Variants in CREBBP observed in about 807,000 individuals in gnomAD.
CREBBP encodes CREB binding lysine acetyltransferase.
CREBBP carries 19 observed loss-of-function variants against 265.0 expected under a neutral mutation model. That is an observed-to-expected ratio of 0.07 (90% CI 0.05 to 0.11). The LOEUF is 0.11. Among genes scored for constraint, CREBBP ranks in the 10% least tolerant of loss-of-function variants. CREBBP has a pLI of 1.00. For synonymous variants in CREBBP, 1,457 were observed against 1,223.7 expected, an observed-to-expected ratio of 1.19 and a Z score of -3.98; for missense variants, 2,525 against 3,219.0, an observed-to-expected ratio of 0.78 and a Z score of 5.22.
intron 10 of CREBBP, 80 bp downstream of exon 10, chr16:3,777,931 G>T (rs1364340452): frequency 6.6e-7 from 1 of 1,509,370 alleles, no homozygotes; most frequent in Non-Finnish European, 9.2e-7. Context: ...CTAATTCTCT[G>T]TTCTTAGAAA....
intron 1 of CREBBP, among the ~76,000 whole-genome samples, chr16:3,864,034 C>G (rs527372574): frequency 6.6e-6 from 1 of 152,196 alleles, no homozygotes; most frequent in South Asian, 2.1e-4. Flanking sequence ...CAGCCAAGAA[C>G]AGTCCTGGAG....
intron 26 of CREBBP, among the ~76,000 whole-genome samples, chr16:3,737,929 A>G (rs1409406832): frequency 6.6e-6 from 1 of 151,538 alleles, no homozygotes; most frequent in East Asian, 1.9e-4. Context: ...CTGGGATTAC[A>G]GGCTCATGCT....
intron 16 of CREBBP, among the ~76,000 whole-genome samples, chr16:3,763,567 G>C (rs1295391631): frequency 6.6e-6 from 1 of 151,972 alleles, no homozygotes; most frequent in Non-Finnish European, 1.5e-5. Flanking sequence ...GGGTTCAAGT[G>C]ATTCTTCTGC....
At chr16:3,781,142 T>C in intron 7 of CREBBP, 62 bp downstream of exon 7, 1 of 1,433,252 alleles carries the variant, frequency 7.0e-7, no homozygotes, top group Non-Finnish European at 9.8e-7. Context: ...AGAATCAGTT[T>C]TGTGTGGTTC....
intron 2 of CREBBP, among the ~76,000 whole-genome samples, chr16:3,839,995 G>C (rs995814918): frequency 1.3e-5 from 2 of 152,122 alleles, no homozygotes; most frequent in African/African-American, 4.8e-5. Flanking sequence ...TAAGATCCCT[G>C]AGCCAGTCCT....
At chr16:3,758,773 A>G (rs551641770) in intron 17 of CREBBP, 81 bp downstream of exon 17, 9 of 1,062,838 alleles carry the variant, frequency 8.5e-6, no homozygotes, top group East Asian at 7.1e-5. Flanking sequence ...GGATTATTTT[A>G]TCTAATTTCA....
At position 3,850,728 on chromosome 16, in the gene CREBBP, G is replaced by C; in HGVS notation, c.367C>G (p.Leu123Val). 6.2e-7 allele frequency: 1 copy of C among 1,614,106 alleles called. No individual in the cohort carries two copies. Among genetic ancestry groups the C allele is most frequent in the Non-Finnish European group, 8.5e-7 (1 of 1,180,054 alleles). Residue 123 changes from leucine to valine, a missense_variant, in exon 2 of 31, where the codon CTG (leucine) becomes GTG (valine). Transcript: ENST00000262367. The part of the protein sequence containing the change: ...ASLSAMGKSP[L>V]SQGDSSAPSL... ...GGGGCTGAAGAATCTCCCTGGCTCA[G>C]AGGGCTCTTGCCCATGGCACTGAGG...
chr16:3,750,614 C>T lies in CREBBP; in HGVS notation c.3780-931G>A, dbSNP rs145552194. Among the ~76,000 whole-genome samples the T allele has an allele frequency of 1.2e-3, 189 of 152,248 alleles. 1 individual carries two copies. Among genetic ancestry groups the T allele is most frequent in the African/African-American group, 4.4e-3 (182 of 41,506 alleles). On this transcript the variant is annotated intron_variant, in intron 20 of 30. Coordinates refer to ENST00000262367, the MANE Select transcript of CREBBP (RefSeq NM_004380.3). ...GCCACACAGTGGCCATTCTAACACT[C>T]GAAGGTAACTCTGCCGGATAATAAA...
chr16:3,776,940 C>A (rs1292744600), intron 11 of CREBBP, among the ~76,000 whole-genome samples: 1 of 151,952 alleles, frequency 6.6e-6, no homozygotes, highest in Non-Finnish European at 1.5e-5. Context: ...ATGGCATGAA[C>A]CCGGGAGGCG....
intron 11 of CREBBP, among the ~76,000 whole-genome samples, chr16:3,776,260 C>T (rs1482485659): frequency 6.6e-6 from 1 of 152,122 alleles, no homozygotes; most frequent in East Asian, 1.9e-4. Context: ...TGAGCAAAGC[C>T]TCTTTCCTTA....
chr16:3,865,549 G>C (rs1339319968), intron 1 of CREBBP, among the ~76,000 whole-genome samples: 2 of 152,228 alleles, frequency 1.3e-5, no homozygotes, highest in Admixed American at 6.5e-5. Context: ...CCTGGGAGGA[G>C]CTAGGTGGAG....
intron 14 of CREBBP, among the ~76,000 whole-genome samples, chr16:3,770,012 A>G (rs1181480172): frequency 6.6e-6 from 1 of 152,140 alleles, no homozygotes; most frequent in East Asian, 1.9e-4. Context: ...CTGGGAATAC[A>G]GGCACCAGCC....
In CREBBP at chr16:3,728,679, G is replaced by A. The variant is rs2151304418; in HGVS notation, c.6368C>T (p.Ser2123Phe). 1 of 1,613,780 alleles carries A rather than the reference G, an allele frequency of 6.2e-7. No homozygotes were observed. Among genetic ancestry groups the A allele is most frequent in the South Asian group, 1.1e-5 (1 of 91,066 alleles). Residue 2123 changes from serine (S) to phenylalanine (F), a missense_variant, in exon 31 of 31, where the codon TCC becomes TTC. Ser to Phe is a radical substitution (Grantham distance 155). Transcript: ENST00000262367. The surrounding 1 kb of genome is among the most constrained non-coding windows in gnomAD (Gnocchi z 8.7). Reference protein sequence around the residue: ...PGMQPQPGLQSQPGMQPQPGM... With the variant: ...PGMQPQPGLQFQPGMQPQPGM... ...AGGCTGGGGTTGCATGCCGGGCTGG[G>A]ACTGGAGGCCAGGCTGGGGCTGCAT...
Position 3,777,599 on chromosome 16 carries a change from A to C in CREBBP, c.2158+14T>G. ...GTAAAACTAAAATATGATTCACCAC[A>C]AACAGTTCAATACCTTGAGAAACTT... On this transcript the variant is annotated intron_variant, in intron 11 of 30. Transcript: ENST00000262367. The C allele has an allele frequency of 6.2e-7, 1 of 1,614,014 alleles. No individual in the cohort carries two copies. The highest frequency in any genetic ancestry group is 2.2e-5 in the East Asian group (1 of 44,890).
Position 3,832,304 on chromosome 16 carries a change from G to T in CREBBP, c.798+17993C>A, listed in dbSNP as rs577530839. On this transcript the variant is annotated intron_variant, in intron 2 of 30. Transcript: ENST00000262367. ...CTTAAATGAACTTTCAGAACAAAGG[G>T]AACAATTCCCAGGTAACTTCATGAA... Among the ~76,000 whole-genome samples the T allele has an allele frequency of 2.6e-5, 4 of 152,170 alleles. No individual in the cohort carries two copies. The East Asian group carries it at 5.8e-4, about 22-fold the overall frequency.
Position 3,731,386 on chromosome 16 carries a change from G to C in CREBBP, c.4978C>G (p.Leu1660Val), listed in dbSNP as rs1364972669. The C allele has an allele frequency of 6.2e-7, 1 of 1,611,952 alleles. No homozygotes were observed. The highest frequency in any genetic ancestry group is 1.7e-5 in the Admixed American group (1 of 59,570). The change falls in exon 30 of 31, where the codon CTC (leucine) becomes GTC (valine). Residue 1660 changes from leucine to valine, a missense_variant. Leu to Val is a conservative substitution (Grantham distance 32, BLOSUM62 1). Around this residue, in one of 19 missense-constraint regions of CREBBP, gnomAD observed 37 missense variants for 34.1 expected, o/e 1.09. Transcript: ENST00000262367. This position sits in a 1 kb window ranked among gnomAD's most constrained non-coding sequence, Gnocchi z 7.7. ...VDPDPLLSCD[L>V]MDGRDAFLTL... ...AGGAAGGCGTCGCGCCCATCCATGAGGTCACAGCTGAGCAGGGGGTCGGGG... is the reference window on the plus strand; with the variant it reads ...AGGAAGGCGTCGCGCCCATCCATGACGTCACAGCTGAGCAGGGGGTCGGGG...
At chr16:3,749,854 C>T (rs903108655) in intron 20 of CREBBP, among the ~76,000 whole-genome samples, 171 bp from the exon 21 acceptor site, 3 of 152,136 alleles carry the variant, frequency 2.0e-5, no homozygotes, top group African/African-American at 4.8e-5. Context: ...AATTTAATTT[C>T]GTAGAACACT....
At chr16:3,812,892 G>C (rs188454981) in intron 2 of CREBBP, 2 of 197,730 alleles carry the variant, frequency 1.0e-5, no homozygotes, top group African/African-American at 4.6e-5. Flanking sequence ...CCAGGGGTGA[G>C]TTTCCAGTTA....
intron 3 of CREBBP, among the ~76,000 whole-genome samples, chr16:3,803,270 GGGGGGGGGGGT>G: frequency 7.9e-5 from 3 of 37,992 alleles, no homozygotes; most frequent in Non-Finnish European, 2.4e-4. Flanking sequence ...CGGGGAGGGG[GGGGGGGGGGGT>G]GGATCACGAG....
Sources: allele counts gnomAD v4.1 joint callset (sites outside exome capture counted in the v4.1 genomes callset), GRCh38; gene constraint gnomAD v4.1.1; regional missense constraint gnomAD v4.1.1; non-coding constraint Gnocchi (gnomAD v3.1); transcripts MANE v1.5; gene names NCBI Gene and HGNC (gene_info 2026-07-23, HGNC 2026-07-21).